Variants in KIF14 observed in about 807,000 individuals in gnomAD.
The protein encoded by KIF14 is kinesin family member 14.
In KIF14, 98 loss-of-function variants were observed where a neutral mutation model predicts 176.2. The ratio of observed to expected loss-of-function variants is 0.56; its 90% CI spans 0.47 to 0.66. The LOEUF (loss-of-function observed/expected upper bound fraction) is 0.66, where lower values mean the gene tolerates loss of function less well. KIF14 is among the 30% of genes least tolerant of loss of function. The pLI, the probability that KIF14 is intolerant of heterozygous loss-of-function variation, is 0.00. For missense variants in KIF14, 1,751 were observed against 1,920.4 expected, an observed-to-expected ratio of 0.91 and a Z score of 1.65; for synonymous variants, 566 against 632.2, an observed-to-expected ratio of 0.90 and a Z score of 1.57.
At chr1:200,581,370 T>TAA in intron 19 of KIF14, 76 bp from the exon 20 acceptor site, 10 of 621,218 alleles carry the variant, frequency 1.6e-5, no homozygotes, top group East Asian at 3.3e-5. Flanking sequence ...AAACAATTCC[T>TAA]AAAAAAAAAA....
chr1:200,600,277 A>G (rs1659558667), intron 12 of KIF14, 79 bp downstream of exon 12: 1 of 1,435,866 alleles, frequency 7.0e-7, no homozygotes, highest in Non-Finnish European at 9.8e-7. Context: ...AAAAATACTC[A>G]GTATCCTCTT....
Position 200,618,604 on chromosome 1 carries a change from C to A in KIF14, c.120G>T (p.Leu40Phe). The change falls in exon 2 of 30, where the codon TTG (leucine) becomes TTT (phenylalanine). Residue 40 changes from leucine to phenylalanine, a missense_variant. Transcript: ENST00000367350. ...TTTCACATTCTGACATATCCGACTT[C>A]AAATGCAGCTTAAGTCGGCTACTGT... Reference protein sequence around the residue: ...LTHSSRLKLHLKSDMSECEND... With the variant: ...LTHSSRLKLHFKSDMSECEND... The A allele has an allele frequency of 6.2e-7, 1 of 1,614,120 alleles. No homozygotes were observed. Among genetic ancestry groups the A allele is most frequent in the Non-Finnish European group, 8.5e-7 (1 of 1,180,024 alleles).
chr1:200,580,097 G>A (rs895123878), intron 21 of KIF14, among the ~76,000 whole-genome samples, 157 bp downstream of exon 21: 5 of 151,912 alleles, frequency 3.3e-5, no homozygotes, highest in Admixed American at 1.3e-4. Context: ...ATACTGGTTG[G>A]TTTAGGTAAT....
intron 21 of KIF14, among the ~76,000 whole-genome samples, chr1:200,577,534 C>T (rs1292915655): frequency 6.6e-6 from 1 of 151,812 alleles, no homozygotes; most frequent in Non-Finnish European, 1.5e-5. Flanking sequence ...CAGTGGCTCA[C>T]GCCTGTAATC....
At chr1:200,616,254 CT>C (rs754315081) in intron 2 of KIF14, among the ~76,000 whole-genome samples, 1 of 152,178 alleles carries the variant, frequency 6.6e-6, no homozygotes, top group South Asian at 2.1e-4. Flanking sequence ...TCTGAGACTG[CT>C]TTAAATCAGA....
In KIF14 at chr1:200,620,045, G is replaced by A. The variant is rs1571583394; in HGVS notation, c.-116+366C>T. On this transcript the variant is annotated intron_variant, in intron 1 of 29. Coordinates refer to ENST00000367350, the MANE Select transcript of KIF14 (RefSeq NM_014875.3). ...AACTATTGCAAAGATTATTGCTAGC[G>A]AGGAACAAATTAATGGAAGTTCATT... Among the ~76,000 whole-genome samples, 5 of 152,206 alleles carry A rather than the reference G, an allele frequency of 3.3e-5. No homozygotes were observed. The South Asian group carries it at 1.0e-3, about 32-fold the overall frequency.
intron 28 of KIF14, among the ~76,000 whole-genome samples, 165 bp from the exon 29 acceptor site, chr1:200,554,771 A>C (rs1342801471): frequency 6.6e-6 from 1 of 152,208 alleles, no homozygotes; most frequent in Non-Finnish European, 1.5e-5. Flanking sequence ...AAAATACAAT[A>C]GTAATTACTG....
In KIF14 at chr1:200,555,548, G is replaced by C. The variant is rs991824126; in HGVS notation, c.4354-94C>G. 5 of 595,376 alleles carry C rather than the reference G, an allele frequency of 8.4e-6. No homozygotes were observed. The African/African-American group carries it at 9.8e-5, about 12-fold the overall frequency. 36.9% of individuals were successfully genotyped at this position (595,376 alleles called of 1,614,324 possible). ...GGGACCAGACTTTTAAAAAATTCTA[G>C]TCTAGAAGCCCAAAGATTGGAGCTC... On this transcript the variant is annotated intron_variant, in intron 27 of 29. Transcript: ENST00000367350.
chr1:200,555,460 G>A lies in KIF14; in HGVS notation c.4354-6C>T. 2.1e-6 allele frequency: 3 copies of A among 1,459,252 alleles called. No individual in the cohort carries two copies. The highest frequency in any genetic ancestry group is 1.9e-6 in the Non-Finnish European group (2 of 1,068,128). 90.4% of individuals were successfully genotyped at this position (1,459,252 alleles called of 1,614,324 possible). A position where few individuals can be genotyped will look rare whatever the true frequency, so the allele number is the denominator to read the frequency against. On this transcript the variant is annotated splice_polypyrimidine_tract_variant and splice_region_variant and intron_variant, in intron 27 of 29. Coordinates refer to ENST00000367350, the MANE Select transcript of KIF14 (RefSeq NM_014875.3). ...GTTTTCATTTCTTTGGTAACCTATA[G>A]AGAATGTTAAAATATTTTATTATAC...
chr1:200,556,953 A>G (rs936700171), intron 27 of KIF14, among the ~76,000 whole-genome samples: 2 of 152,208 alleles, frequency 1.3e-5, no homozygotes, highest in African/African-American at 4.8e-5. Flanking sequence ...TTTAGTGACA[A>G]TATGAGCTCC....
chr1:200,591,574 T>C (rs1350371220), intron 16 of KIF14, among the ~76,000 whole-genome samples: 3 of 152,234 alleles, frequency 2.0e-5, no homozygotes, highest in African/African-American at 7.2e-5. Flanking sequence ...CCAGAAATCC[T>C]ACGATACTGC....
chr1:200,590,071 ATC>A, intron 17 of KIF14, 52 bp downstream of exon 17: 1 of 1,541,204 alleles, frequency 6.5e-7, no homozygotes, highest in Non-Finnish European at 8.7e-7. Context: ...TAGGCAACAC[ATC>A]ACTTGGGGTA....
In KIF14 at chr1:200,581,300, A is replaced by G. The variant is rs764920654; in HGVS notation, c.3242-6T>C. 11 of 1,550,312 alleles carry G rather than the reference A, an allele frequency of 7.1e-6. No individual in the cohort carries two copies. In the East Asian group the frequency reaches 2.5e-4, roughly 36 times the overall value. ...AGAGCTCCAAGTTGTCTGCACTAAT[A>G]CAAAGCACACAGAAAAGATTCAAAA... On this transcript the variant is annotated splice_region_variant and splice_polypyrimidine_tract_variant and intron_variant, in intron 19 of 29. Coordinates refer to ENST00000367350, the MANE Select transcript of KIF14 (RefSeq NM_014875.3).
intron 27 of KIF14, among the ~76,000 whole-genome samples, chr1:200,557,930 C>T (rs1656922307): frequency 6.6e-6 from 1 of 152,160 alleles, no homozygotes; most frequent in African/African-American, 2.4e-5. Flanking sequence ...CTGACTCCAA[C>T]AAGAGCAATG....
intron 1 of KIF14, 46 bp from the exon 2 acceptor site, chr1:200,618,884 C>T (rs887102465): frequency 1.5e-5 from 9 of 594,868 alleles, no homozygotes; most frequent in Non-Finnish European, 2.3e-5. Context: ...TACAAACAAG[C>T]TTTAAAAATA....
chr1:200,608,818 T>C lies in KIF14; in HGVS notation c.1554+12A>G. ...GAAATTCAAAACAAATAATAAATTGTTTTAATCTTACTGGTTGCTTTCTCT... is the reference window on the plus strand; with the variant it reads ...GAAATTCAAAACAAATAATAAATTGCTTTAATCTTACTGGTTGCTTTCTCT... On this transcript the variant is annotated intron_variant, in intron 5 of 29. Coordinates refer to ENST00000367350, the MANE Select transcript of KIF14 (RefSeq NM_014875.3). The C allele has an allele frequency of 6.7e-7, 1 of 1,492,182 alleles. No individual in the cohort carries two copies. The highest frequency in any genetic ancestry group is 1.4e-5 in the African/African-American group (1 of 72,452). 92.4% of individuals were successfully genotyped at this position (1,492,182 alleles called of 1,614,324 possible).
At chr1:200,554,687 G>A (rs1656742016) in intron 28 of KIF14, 81 bp from the exon 29 acceptor site, 1 of 693,960 alleles carries the variant, frequency 1.4e-6, no homozygotes, top group Admixed American at 3.5e-5. Context: ...GATTTTAATT[G>A]CCAGAATCTT....
intron 15 of KIF14, among the ~76,000 whole-genome samples, chr1:200,592,872 GA>G (rs1272075361): frequency 6.6e-6 from 1 of 152,116 alleles, no homozygotes; most frequent in Non-Finnish European, 1.5e-5. Flanking sequence ...TTACTGTACT[GA>G]ATACCATAGG....
intron 21 of KIF14, among the ~76,000 whole-genome samples, chr1:200,576,842 G>A (rs754616728): frequency 6.6e-5 from 10 of 152,006 alleles, no homozygotes; most frequent in African/African-American, 2.4e-4. Flanking sequence ...AGAGAAGGCT[G>A]GTATCGAACT....
Sources: allele counts gnomAD v4.1 joint callset (sites outside exome capture counted in the v4.1 genomes callset), GRCh38; gene constraint gnomAD v4.1.1; transcripts MANE v1.5; gene names NCBI Gene and HGNC (gene_info 2026-07-23, HGNC 2026-07-21).